Variants in CSMD3 observed in about 807,000 individuals in gnomAD.
CSMD3 encodes the protein CUB and sushi domain-containing protein 3.
In CSMD3, 177 loss-of-function variants were observed where a neutral mutation model predicts 435.2. The observed-to-expected ratio is 0.41, with a 90% CI of 0.36 to 0.46. The LOEUF (loss-of-function observed/expected upper bound fraction) is 0.46. CSMD3 is among the 20% of genes least tolerant of loss of function. The pLI, the probability that CSMD3 is intolerant of heterozygous loss-of-function variation, is 0.34. For synonymous variants in CSMD3, 1,656 were observed against 1,520.5 expected (o/e 1.09, Z -2.07); for missense variants, 4,265 against 4,504.6 (o/e 0.95, Z 1.52).
At chr8:112,989,529 G>A (rs1242300431) in intron 6 of CSMD3, among the ~76,000 whole-genome samples, 3 of 151,992 alleles carry the variant, frequency 2.0e-5, no homozygotes, top group Non-Finnish European at 2.9e-5. Context: ...GGGAGATAAC[G>A]TGAACAAAGG....
At chr8:112,325,396 C>T (rs1322201702) in intron 45 of CSMD3, among the ~76,000 whole-genome samples, 1 of 152,100 alleles carries the variant, frequency 6.6e-6, no homozygotes, top group Non-Finnish European at 1.5e-5. Context: ...GATAATGCTA[C>T]CTAAAGTTGA....
intron 11 of CSMD3, among the ~76,000 whole-genome samples, chr8:112,855,353 T>G (rs1564027974): frequency 6.6e-6 from 1 of 152,146 alleles, no homozygotes; most frequent in Non-Finnish European, 1.5e-5. Flanking sequence ...TCTACTCCAA[T>G]TTCACAAGTA....
At chr8:112,432,856 T>C (rs1326944546) in intron 32 of CSMD3, among the ~76,000 whole-genome samples, 1 of 150,956 alleles carries the variant, frequency 6.6e-6, no homozygotes, top group African/African-American at 2.4e-5. Flanking sequence ...TAAGAGGATG[T>C]CTTGAGCCCA....
At chr8:112,774,801 C>A in intron 13 of CSMD3, among the ~76,000 whole-genome samples, 1 of 151,978 alleles carries the variant, frequency 6.6e-6, no homozygotes, top group Non-Finnish European at 1.5e-5. Flanking sequence ...CCTCTTAATT[C>A]ACATTTCACC....
intron 32 of CSMD3, among the ~76,000 whole-genome samples, chr8:112,447,429 T>A (rs961172865): frequency 3.9e-5 from 6 of 152,186 alleles, no homozygotes; most frequent in Admixed American, 3.9e-4. Flanking sequence ...TTAATAAGTC[T>A]CTTTAATAAC....
At chr8:112,296,288 C>T (rs1186407022) in intron 53 of CSMD3, among the ~76,000 whole-genome samples, 1 of 152,070 alleles carries the variant, frequency 6.6e-6, no homozygotes, top group African/African-American at 2.4e-5. Context: ...CACGGTGGTT[C>T]ACGCCTGTAA....
chr8:112,231,062 A>G (rs1221539025), intron 69 of CSMD3, among the ~76,000 whole-genome samples: 3 of 152,196 alleles, frequency 2.0e-5, no homozygotes, highest in Admixed American at 6.5e-5. Flanking sequence ...GAAAATTTAC[A>G]TATTTGAAGA....
At chr8:112,667,999 T>A (rs2131716427) in intron 16 of CSMD3, among the ~76,000 whole-genome samples, 1 of 152,276 alleles carries the variant, frequency 6.6e-6, no homozygotes, top group African/African-American at 2.4e-5. Flanking sequence ...ATAGCAAATA[T>A]TTATAAATTG....
At chr8:113,107,850 C>T (rs2090526454) in intron 4 of CSMD3, among the ~76,000 whole-genome samples, 1 of 152,112 alleles carries the variant, frequency 6.6e-6, no homozygotes, top group Non-Finnish European at 1.5e-5. Flanking sequence ...GGGCTTATGT[C>T]CCTTTTTGTT....
intron 13 of CSMD3, among the ~76,000 whole-genome samples, chr8:112,753,712 G>T (rs2132114537): frequency 6.6e-6 from 1 of 152,292 alleles, no homozygotes; most frequent in East Asian, 1.9e-4. Flanking sequence ...CCTGTTAGGA[G>T]TTACCATAGG....
At chr8:112,930,265 A>C (rs960410305) in intron 9 of CSMD3, among the ~76,000 whole-genome samples, 1 of 152,112 alleles carries the variant, frequency 6.6e-6, no homozygotes, top group Non-Finnish European at 1.5e-5. Flanking sequence ...TCTCATCCCT[A>C]TACTACTATC....
At position 112,381,930 on chromosome 8, in the gene CSMD3, G is replaced by T. The variant is rs115186057; in HGVS notation, c.6032-1474C>A. On this transcript the variant is annotated intron_variant, in intron 37 of 70. Transcript: ENST00000297405. ...CAGAGCTAGCACTTAGTAATCAACAGCTGTTATTTATCACTCATATTATCA... is the reference window on the plus strand; with the variant it reads ...CAGAGCTAGCACTTAGTAATCAACATCTGTTATTTATCACTCATATTATCA... Among the ~76,000 whole-genome samples, 548 of 152,182 alleles carry T rather than the reference G, an allele frequency of 3.6e-3. 2 individuals are homozygous for T. The highest frequency in any genetic ancestry group is 0.01 in the African/African-American group (416 of 41,526).
chr8:112,686,725 A>T (rs2131810950), intron 14 of CSMD3, among the ~76,000 whole-genome samples: 1 of 152,150 alleles, frequency 6.6e-6, no homozygotes, highest in South Asian at 2.1e-4. Context: ...ACCTCAAGTG[A>T]TCCACCTGCC....
At chr8:113,210,044 G>GTGTGTGTA (rs57446626) in intron 3 of CSMD3, among the ~76,000 whole-genome samples, 3,808 of 149,386 alleles carry the variant, frequency 0.025, 67 homozygotes, top group East Asian at 0.041. Flanking sequence ...GTGTGTGTGT[G>GTGTGTGTA]TGATACACAG....
chr8:112,484,580 A>C (rs529477129), intron 31 of CSMD3, among the ~76,000 whole-genome samples: 1 of 152,206 alleles, frequency 6.6e-6, no homozygotes, highest in Admixed American at 6.5e-5. Context: ...TCTCACTTAA[A>C]TGTAGACTAC....
chr8:113,229,744 G>A (rs2093064458), intron 3 of CSMD3, among the ~76,000 whole-genome samples: 1 of 151,554 alleles, frequency 6.6e-6, no homozygotes. Flanking sequence ...TATGCCAACA[G>A]CCCAATTGTT....
intron 2 of CSMD3, chr8:113,312,316 G>A (rs939834251): frequency 6.6e-6 from 1 of 152,062 alleles, no homozygotes; most frequent in Non-Finnish European, 1.5e-5. Flanking sequence ...ATACCATAAT[G>A]AACACAAAAT....
intron 9 of CSMD3, among the ~76,000 whole-genome samples, chr8:112,927,049 C>A (rs1024717916): frequency 6.6e-6 from 1 of 151,994 alleles, no homozygotes; most frequent in Non-Finnish European, 1.5e-5. Flanking sequence ...AAACACTAAA[C>A]GTCAAGAAAA....
At chr8:112,553,008 T>C (rs1827821316) in intron 25 of CSMD3, among the ~76,000 whole-genome samples, 1 of 152,108 alleles carries the variant, frequency 6.6e-6, no homozygotes, top group Non-Finnish European at 1.5e-5. Context: ...TTTTAAGATG[T>C]GTTGTTAAAT....
Sources: gnomAD v4.1 joint callset for allele counts (sites outside exome capture counted in the v4.1 genomes callset) on GRCh38, gnomAD v4.1.1 for gene constraint, MANE v1.5 for transcripts, NCBI Gene and HGNC (gene_info 2026-07-23, HGNC 2026-07-21) for gene names.